Variants in COL19A1 observed in about 807,000 individuals in gnomAD.
COL19A1 encodes the protein collagen type XIX alpha 1 chain, also known as collagen alpha-1(XIX) chain.
A neutral mutation model predicts 190.2 loss-of-function variants in COL19A1; 159 were observed. That is an observed-to-expected ratio of 0.84 (90% CI 0.73 to 0.95). The LOEUF (loss-of-function observed/expected upper bound fraction) is 0.95. Among genes scored for constraint, COL19A1 ranks in the 40% least tolerant of loss-of-function variants. The pLI is 0.00. For missense variants in COL19A1, 1,418 were observed against 1,431.9 expected (o/e 0.99, Z 0.16); for synonymous variants, 509 against 458.9 (o/e 1.11, Z -1.39).
chr6:70,069,727 C>T (rs958021550), intron 15 of COL19A1, among the ~76,000 whole-genome samples: 9 of 152,096 alleles, frequency 5.9e-5, no homozygotes, highest in Non-Finnish European at 1.2e-4. Flanking sequence ...ATGAAAACTG[C>T]TAAGTCAGGT....
At chr6:70,113,730 C>T (rs1784404373) in intron 16 of COL19A1, among the ~76,000 whole-genome samples, 1 of 151,982 alleles carries the variant, frequency 6.6e-6, no homozygotes, top group South Asian at 2.1e-4. Context: ...CTAGTAGAAG[C>T]CCTCCATGAT....
At chr6:70,161,816 T>G (rs2150259667) in intron 34 of COL19A1, 84 bp from the exon 35 acceptor site, 1 of 1,037,858 alleles carries the variant, frequency 9.6e-7, no homozygotes, top group East Asian at 2.6e-5. Flanking sequence ...GTGTTTAATG[T>G]TCAATGGTCA....
intron 11 of COL19A1, among the ~76,000 whole-genome samples, chr6:69,971,560 A>G (rs1309610090): frequency 6.6e-6 from 1 of 152,182 alleles, no homozygotes; most frequent in Non-Finnish European, 1.5e-5. Flanking sequence ...CTTGGCAGGA[A>G]ATATTCTTGA....
chr6:69,940,381 C>G lies in COL19A1; in HGVS notation c.936+2281C>G, dbSNP rs570604965. ...TTAGCAGTAATAATAAAATACAGGG[C>G]CTGCTCTCACCGAGTTTACAATCTT... On this transcript the variant is annotated intron_variant, in intron 9 of 50. Coordinates refer to ENST00000620364, the MANE Select transcript of COL19A1 (RefSeq NM_001858.6). 2.0e-5 allele frequency among the ~76,000 whole-genome samples: 3 copies of G among 152,084 alleles called. No individual in the cohort carries two copies. The South Asian group carries it at 6.2e-4, about 32-fold the overall frequency.
chr6:70,200,786 G>T (rs1767500526), intron 49 of COL19A1, among the ~76,000 whole-genome samples: 1 of 152,156 alleles, frequency 6.6e-6, no homozygotes, highest in South Asian at 2.1e-4. Context: ...CAATAGCAGT[G>T]CCTGTTAGTA....
intron 9 of COL19A1, among the ~76,000 whole-genome samples, chr6:69,948,258 G>A (rs903583873): frequency 3.3e-5 from 5 of 151,810 alleles, no homozygotes; most frequent in Admixed American, 2.6e-4. Flanking sequence ...TAGATTGTTT[G>A]ACTTTATTGT....
intron 11 of COL19A1, among the ~76,000 whole-genome samples, chr6:70,009,422 A>G (rs1777843696): frequency 6.6e-6 from 1 of 152,120 alleles, no homozygotes; most frequent in South Asian, 2.1e-4. Flanking sequence ...CTGTACACAG[A>G]TGACTAAAAA....
intron 11 of COL19A1, among the ~76,000 whole-genome samples, chr6:70,021,060 TAATA>T (rs1778388636): frequency 6.6e-6 from 1 of 152,154 alleles, no homozygotes; most frequent in Non-Finnish European, 1.5e-5. Context: ...TTTGAGCACA[TAATA>T]AATATTGAAT....
chr6:70,121,159 C>T (rs1784861768), intron 16 of COL19A1, among the ~76,000 whole-genome samples: 1 of 152,100 alleles, frequency 6.6e-6, no homozygotes, highest in Non-Finnish European at 1.5e-5. Context: ...TAAAATAATG[C>T]TAATCTTTGT....
At chr6:69,916,446 G>A (rs753485780) in intron 4 of COL19A1, among the ~76,000 whole-genome samples, 2 of 151,930 alleles carry the variant, frequency 1.3e-5, no homozygotes, top group Non-Finnish European at 2.9e-5. Context: ...TTTTCATCTT[G>A]TTTAGCATGG....
intron 48 of COL19A1, among the ~76,000 whole-genome samples, chr6:70,198,271 T>TA (rs1327017149): frequency 4.6e-5 from 7 of 152,114 alleles, no homozygotes; most frequent in Middle Eastern, 3.4e-3. Context: ...ATTTCCTCAG[T>TA]AAAAAAAACT....
intron 11 of COL19A1, among the ~76,000 whole-genome samples, chr6:70,016,365 A>AT (rs1491453623): frequency 4.3e-5 from 5 of 115,502 alleles, no homozygotes; most frequent in South Asian, 2.7e-4. Context: ...TTAGAGTATA[A>AT]TAAAAAAAAA....
At chr6:70,159,984 C>T (rs926439602) in intron 34 of COL19A1, among the ~76,000 whole-genome samples, 1 of 151,958 alleles carries the variant, frequency 6.6e-6, no homozygotes, top group Admixed American at 6.6e-5. Flanking sequence ...TGATCTCAGT[C>T]CACTATTGAA....
At chr6:69,911,001 C>T (rs1458498648) in intron 4 of COL19A1, among the ~76,000 whole-genome samples, 2 of 152,158 alleles carry the variant, frequency 1.3e-5, no homozygotes, top group Non-Finnish European at 2.9e-5. Context: ...TTTAATAGTG[C>T]TTGATGCTTT....
intron 9 of COL19A1, among the ~76,000 whole-genome samples, chr6:69,955,370 T>G (rs1582513740): frequency 6.6e-6 from 1 of 152,246 alleles, no homozygotes; most frequent in Admixed American, 6.5e-5. Context: ...TGTATTTAAT[T>G]AATTTGAAAA....
At chr6:70,047,285 T>C (rs967460643) in intron 14 of COL19A1, among the ~76,000 whole-genome samples, 1 of 152,124 alleles carries the variant, frequency 6.6e-6, no homozygotes, top group Non-Finnish European at 1.5e-5. Context: ...AAACTTAAAT[T>C]ATCTCTTCTG....
chr6:69,905,934 T>C (rs1770520086), intron 4 of COL19A1, among the ~76,000 whole-genome samples: 1 of 152,242 alleles, frequency 6.6e-6, no homozygotes, highest in Non-Finnish European at 1.5e-5. Flanking sequence ...CTTGGCTTCT[T>C]ATATCTCCAA....
At chr6:69,885,369 TTTA>T (rs1205942515) in intron 2 of COL19A1, among the ~76,000 whole-genome samples, 1 of 152,186 alleles carries the variant, frequency 6.6e-6, no homozygotes, top group African/African-American at 2.4e-5. Flanking sequence ...AAAAATAAAT[TTTA>T]TTGTGTATAT....
At chr6:70,155,642 G>A (rs538736146) in intron 31 of COL19A1, among the ~76,000 whole-genome samples, 1 of 152,262 alleles carries the variant, frequency 6.6e-6, no homozygotes, top group East Asian at 1.9e-4. Context: ...TAAACTGTAT[G>A]TAGTTGGAGA....
Sources: gnomAD v4.1 joint callset for allele counts (sites outside exome capture counted in the v4.1 genomes callset) on GRCh38, gnomAD v4.1.1 for gene constraint, MANE v1.5 for transcripts, NCBI Gene and HGNC (gene_info 2026-07-23, HGNC 2026-07-21) for gene names.